The following XIRP2 variants were observed in gnomAD, a reference collection of about 807,000 sequenced individuals.
XIRP2 encodes the protein xin actin-binding repeat-containing protein 2.
Under a neutral mutation model 277.0 loss-of-function variants are expected in XIRP2, and 236 were observed. The ratio of observed to expected loss-of-function variants is 0.85; its 90% CI spans 0.77 to 0.95. XIRP2 has a LOEUF of 0.95. Among genes scored for constraint, XIRP2 ranks in the 40% least tolerant of loss-of-function variants. XIRP2 has a pLI of 0.00. For missense variants in XIRP2, 4,640 were observed against 4,157.5 expected, an observed-to-expected ratio of 1.12 and a Z score of -3.19; for synonymous variants, 1,490 against 1,416.5, an observed-to-expected ratio of 1.05 and a Z score of -1.17.
At chr2:167,143,285 A>G (rs1221743282) in intron 3 of XIRP2, among the ~76,000 whole-genome samples, 2 of 152,150 alleles carry the variant, frequency 1.3e-5, no homozygotes, top group East Asian at 1.9e-4. Flanking sequence ...TAGGAGATGA[A>G]CAGTGCTACA....
rs374994310 is a variant in XIRP2 at position 167,239,961 on chromosome 2, A to G, written c.965A>G (p.Glu322Gly). 6.3e-7 allele frequency: 1 copy of G among 1,592,208 alleles called. No homozygotes were observed. Among genetic ancestry groups the G allele is most frequent in the African/African-American group, 1.4e-5 (1 of 73,106 alleles). The change falls in exon 6 of 11, where the codon GAA becomes GGA. Residue 322 changes from glutamate (E) to glycine (G), a missense_variant. Transcript: ENST00000409195. ...CAGAAAATTGATGTTCATGGAACAG[A>G]AATGGTAACTATTTAGAAAGGCAGT... ...KVQKIDVHGT[E>G]MVSHLEKHTE...
intron 5 of XIRP2, among the ~76,000 whole-genome samples, chr2:167,222,963 A>G (rs1694476111): frequency 6.6e-6 from 1 of 152,060 alleles, no homozygotes; most frequent in South Asian, 2.1e-4. Flanking sequence ...TGTTTAGAAT[A>G]TTTACAGAGT....
chr2:166,994,686 A>AT (rs1687160798), intron 2 of XIRP2, among the ~76,000 whole-genome samples: 1 of 148,710 alleles, frequency 6.7e-6, no homozygotes, highest in Non-Finnish European at 1.5e-5. Context: ...TCCTCAGTCT[A>AT]TCAAAAAAAA....
At chr2:167,181,770 A>G (rs889115163) in intron 3 of XIRP2, among the ~76,000 whole-genome samples, 11 of 151,950 alleles carry the variant, frequency 7.2e-5, no homozygotes, top group Non-Finnish European at 1.5e-5. Flanking sequence ...CTAGTAAAGA[A>G]CAGTTTTACT....
intron 2 of XIRP2, among the ~76,000 whole-genome samples, chr2:166,956,737 C>T (rs1274108579): frequency 6.6e-6 from 1 of 151,646 alleles, no homozygotes; most frequent in Non-Finnish European, 1.5e-5. Flanking sequence ...TAGTATTAGG[C>T]AGGAAGAAGG....
At chr2:167,007,596 G>T (rs923909557) in intron 2 of XIRP2, among the ~76,000 whole-genome samples, 11 of 151,332 alleles carry the variant, frequency 7.3e-5, no homozygotes, top group Non-Finnish European at 1.5e-4. Context: ...GTACTGGGGG[G>T]AATGGGGCAG....
Position 167,241,841 on chromosome 2 carries a change from T to C in XIRP2, c.1107T>C (p.Phe369=), listed in dbSNP as rs1378474350. Residue 369 remains phenylalanine (F), a synonymous_variant, in exon 8 of 11, where the codon TTT becomes TTC. Transcript: ENST00000409195. ...CGACTAAGTTGTTAAAAGAGCAGTT[T>C]GAAAAGTCTGCCCAGGAAAAGATCC... ...KVSTKLLKEQ[F]EKSAQEKILY... The C allele has an allele frequency of 6.2e-7, 1 of 1,613,732 alleles. No individual in the cohort carries two copies. Among genetic ancestry groups the C allele is most frequent in the Non-Finnish European group, 8.5e-7 (1 of 1,179,786 alleles).
At chr2:167,153,603 C>T (rs1253813035) in intron 3 of XIRP2, among the ~76,000 whole-genome samples, 1 of 151,892 alleles carries the variant, frequency 6.6e-6, no homozygotes, top group Non-Finnish European at 1.5e-5. Flanking sequence ...GTTCCCCTTC[C>T]TGTGTCCATG....
chr2:167,253,912 A>C, intron 9 of XIRP2, 120 bp from the exon 10 acceptor site: 1 of 1,115,842 alleles, frequency 9.0e-7, no homozygotes, highest in Non-Finnish European at 1.3e-6. Context: ...TAAGGACAGT[A>C]GTCTTAGAGC....
intron 3 of XIRP2, among the ~76,000 whole-genome samples, chr2:167,194,844 AT>A (rs1293397153): frequency 6.6e-6 from 1 of 152,176 alleles, no homozygotes; most frequent in Non-Finnish European, 1.5e-5. Context: ...ATTTATCTTT[AT>A]AAAGTTCTAA....
intron 2 of XIRP2, among the ~76,000 whole-genome samples, chr2:167,034,155 G>A (rs1483851447): frequency 1.3e-5 from 2 of 152,086 alleles, no homozygotes; most frequent in Admixed American, 6.6e-5. Context: ...TAAAGTGTAG[G>A]GGAATTAATA....
chr2:167,102,861 T>C (rs1467482790), intron 2 of XIRP2, among the ~76,000 whole-genome samples: 3 of 152,212 alleles, frequency 2.0e-5, no homozygotes, highest in Non-Finnish European at 4.4e-5. Context: ...AATGATTTTT[T>C]CCCTTTGAGA....
Position 167,245,998 on chromosome 2 carries a change from G to T in XIRP2, c.4606G>T (p.Glu1536Ter). ...TWLFETTPLHEFNETRVEKIE... is the reference protein window; with the variant it reads ...TWLFETTPLH ...GCTCTTTGAAACAACACCACTTCAT[G>T]AATTTAATGAAACTAGAGTAGAAAA... is the stretch of plus-strand genomic sequence containing the variant. The change falls in exon 9 of 11, where the codon GAA becomes TAA. Residue 1536 changes from glutamate (E) to a stop codon, truncating the protein, a stop_gained. Transcript: ENST00000409195. LOFTEE classifies it high-confidence loss of function. 1 of 1,613,110 alleles carries T rather than the reference G, an allele frequency of 6.2e-7. No individual in the cohort carries two copies. Among genetic ancestry groups the T allele is most frequent in the Non-Finnish European group, 8.5e-7 (1 of 1,179,628 alleles).
At chr2:167,185,018 T>G (rs780546673) in intron 3 of XIRP2, among the ~76,000 whole-genome samples, 4 of 152,162 alleles carry the variant, frequency 2.6e-5, no homozygotes, top group Non-Finnish European at 5.9e-5. Flanking sequence ...CTGTCTTGCT[T>G]TCATAGTGGT....
At chr2:167,220,197 C>T (rs1482846028) in intron 5 of XIRP2, among the ~76,000 whole-genome samples, 1 of 151,944 alleles carries the variant, frequency 6.6e-6, no homozygotes, top group Admixed American at 6.6e-5. Flanking sequence ...CTTTCAATAA[C>T]ACTGTCAAAT....
chr2:167,200,920 G>T (rs1342328755), intron 3 of XIRP2, among the ~76,000 whole-genome samples: 1 of 151,966 alleles, frequency 6.6e-6, no homozygotes, highest in Non-Finnish European at 1.5e-5. Flanking sequence ...GAGGCCAGGA[G>T]TTTGAGACCA....
At chr2:167,257,329 G>A (rs540597321) in intron 10 of XIRP2, among the ~76,000 whole-genome samples, 1 of 151,994 alleles carries the variant, frequency 6.6e-6, no homozygotes, top group Admixed American at 6.6e-5. Context: ...CTGTTTTTAT[G>A]TGTAGATTCA....
chr2:166,890,252 C>G (rs1393200986), intron 1 of XIRP2, among the ~76,000 whole-genome samples: 1 of 152,094 alleles, frequency 6.6e-6, no homozygotes, highest in African/African-American at 2.4e-5. Flanking sequence ...CTCAGCCTCC[C>G]AAACTGCTGG....
intron 3 of XIRP2, among the ~76,000 whole-genome samples, chr2:167,170,897 T>C (rs1173819929): frequency 3.2e-4 from 37 of 117,288 alleles, no homozygotes; most frequent in African/African-American, 9.8e-4. Context: ...CTTTCTTCTT[T>C]TTTTTTTTTT....
Sources: gnomAD v4.1 joint callset for allele counts (sites outside exome capture counted in the v4.1 genomes callset) on GRCh38, gnomAD v4.1.1 for gene constraint, MANE v1.5 for transcripts, NCBI Gene and HGNC (gene_info 2026-07-23, HGNC 2026-07-21) for gene names.